Variants in YEATS2 observed in about 807,000 individuals in gnomAD.
YEATS2 encodes the protein YEATS domain-containing protein 2.
YEATS2 carries 77 observed loss-of-function variants against 163.2 expected under a neutral mutation model. The observed-to-expected ratio is 0.47, with a 90% CI of 0.39 to 0.57. YEATS2 has a LOEUF of 0.57. Ranked by LOEUF, YEATS2 falls within the 20% of genes least tolerant of loss-of-function variation. The pLI, the probability that YEATS2 is intolerant of heterozygous loss-of-function variation, is 0.00. For missense variants in YEATS2, 1,549 were observed against 1,729.8 expected (o/e 0.90, Z 1.85); for synonymous variants, 631 against 645.1 (o/e 0.98, Z 0.33).
At chr3:183,713,748 G>A (rs1485063588) in intron 1 of YEATS2, among the ~76,000 whole-genome samples, 1 of 152,018 alleles carries the variant, frequency 6.6e-6, no homozygotes, top group Non-Finnish European at 1.5e-5. Context: ...CTCGTGCAGT[G>A]ATGTGAATGT....
intron 25 of YEATS2, chr3:183,802,507 G>GTATA (rs1300540152): frequency 1.1e-4 from 7 of 62,478 alleles, no homozygotes; most frequent in South Asian, 5.7e-4. Flanking sequence ...GTGTGTGTGT[G>GTATA]TGTATACATG....
rs2108553778 is a variant in YEATS2, at chr3:183,811,852, G to A, written c.*1269G>A. The A allele has an allele frequency of 6.6e-6, 1 of 152,358 alleles. No homozygotes were observed. Among genetic ancestry groups the A allele is most frequent in the African/African-American group, 2.4e-5 (1 of 41,558 alleles). The allele number at this position is 152,358 out of a possible 1,614,324, so 9.4% of individuals were successfully genotyped here. On this transcript the variant is annotated 3_prime_UTR_variant, in exon 31 of 31. Transcript: ENST00000305135. ...GTCAGAGTCAGAGAAACTTACCCAA[G>A]CAACGTAATTCCTGTTTTCATGGGT...
chr3:183,792,447 C>A (rs778091338), intron 21 of YEATS2, among the ~76,000 whole-genome samples: 20 of 152,148 alleles, frequency 1.3e-4, no homozygotes, highest in Non-Finnish European at 2.6e-4. Flanking sequence ...TGGCTTCCAG[C>A]TTCATCCATG....
chr3:183,756,709 T>C lies in YEATS2; in HGVS notation c.1552+20T>C. On this transcript the variant is annotated intron_variant, in intron 12 of 30. Transcript: ENST00000305135. The stretch of plus-strand genomic sequence containing the variant: ...GTACAGGTGTGTATTAGATCCATAT[T>C]TGTACCATCTAAAGGGTTTGATCTT... 1 of 1,449,542 alleles carries C rather than the reference T, an allele frequency of 6.9e-7. No homozygotes were observed. The highest frequency in any genetic ancestry group is 9.1e-7 in the Non-Finnish European group (1 of 1,095,720). 89.8% of individuals were successfully genotyped at this position (1,449,542 alleles called of 1,614,324 possible). A position where few individuals can be genotyped will look rare whatever the true frequency, so the allele number is the denominator to read the frequency against.
intron 1 of YEATS2, among the ~76,000 whole-genome samples, chr3:183,701,309 G>T (rs530896670): frequency 6.6e-6 from 1 of 151,948 alleles, no homozygotes; most frequent in Non-Finnish European, 1.5e-5. Context: ...GGATGATCTC[G>T]ATCTCCTGAC....
At chr3:183,727,126 A>C (rs1717194490) in intron 6 of YEATS2, among the ~76,000 whole-genome samples, 1 of 152,126 alleles carries the variant, frequency 6.6e-6, no homozygotes, top group South Asian at 2.1e-4. Context: ...CCCTAACAGT[A>C]TATATTTAGT....
chr3:183,801,713 G>T, intron 25 of YEATS2, 185 bp downstream of exon 25: 2 of 504,214 alleles, frequency 4.0e-6, no homozygotes, highest in Non-Finnish European at 3.5e-6. Flanking sequence ...GTTTTTTATT[G>T]TTTTCACTGT....
At chr3:183,776,915 G>A (rs1723057931) in intron 18 of YEATS2, among the ~76,000 whole-genome samples, 2 of 150,930 alleles carry the variant, frequency 1.3e-5, no homozygotes, top group South Asian at 2.1e-4. Flanking sequence ...TCACTCCATG[G>A]TACTCCAGCC....
intron 16 of YEATS2, 30 bp downstream of exon 16, chr3:183,772,593 CA>C: frequency 3.1e-6 from 5 of 1,609,340 alleles, no homozygotes; most frequent in Non-Finnish European, 4.2e-6. Context: ...GGAGCCCTTT[CA>C]GCAGAAGCTC....
At chr3:183,772,779 C>CA (rs555324921) in intron 16 of YEATS2, among the ~76,000 whole-genome samples, 4,662 of 147,084 alleles carry the variant, frequency 0.032, 159 homozygotes, top group East Asian at 0.14. Flanking sequence ...ACACACACAC[C>CA]CACATACACA....
chr3:183,755,436 T>C (rs1288407340), intron 11 of YEATS2, among the ~76,000 whole-genome samples: 1 of 152,186 alleles, frequency 6.6e-6, no homozygotes, highest in Non-Finnish European at 1.5e-5. Context: ...CAATTTTACC[T>C]ACCAGGTAGA....
chr3:183,772,206 T>G, intron 15 of YEATS2, 99 bp from the exon 16 acceptor site: 2 of 1,515,216 alleles, frequency 1.3e-6, no homozygotes, highest in Non-Finnish European at 1.8e-6. Context: ...TTAGGCTGCA[T>G]GTATTATGTG....
At chr3:183,799,053 T>A (rs1178425818) in intron 23 of YEATS2, 64 bp downstream of exon 23, 10 of 1,220,874 alleles carry the variant, frequency 8.2e-6, no homozygotes, top group Non-Finnish European at 1.1e-5. Context: ...TCGTTCACGT[T>A]CTCTCCTGAT....
At chr3:183,710,303 A>G (rs963958368) in intron 1 of YEATS2, among the ~76,000 whole-genome samples, 3 of 152,212 alleles carry the variant, frequency 2.0e-5, no homozygotes, top group Non-Finnish European at 4.4e-5. Context: ...TAATGTTATC[A>G]TTGGTCATTT....
intron 19 of YEATS2, among the ~76,000 whole-genome samples, chr3:183,784,599 T>C (rs911552360): frequency 2.0e-5 from 3 of 152,224 alleles, no homozygotes. Flanking sequence ...AGCTTTTTAG[T>C]TTAATTAGGT....
intron 1 of YEATS2, among the ~76,000 whole-genome samples, chr3:183,700,460 A>C (rs76222311): frequency 1.3e-5 from 2 of 151,930 alleles, no homozygotes; most frequent in Non-Finnish European, 2.9e-5. Flanking sequence ...ATTGTTCCCT[A>C]TCTCCCTGCC....
rs1723133702 is a variant in YEATS2 at position 183,777,714 on chromosome 3, T to C, written c.2736+14T>C. ...TTGTTTACACAGGTAAATACGCCCA[T>C]GCACACACCCCAAATATGGGGTGAT... is the stretch of plus-strand genomic sequence containing the variant. On this transcript the variant is annotated intron_variant, in intron 19 of 30. Coordinates refer to ENST00000305135, the MANE Select transcript of YEATS2 (RefSeq NM_018023.5). The C allele has an allele frequency of 5.0e-6, 8 of 1,610,154 alleles. No individual in the cohort carries two copies. The highest frequency in any genetic ancestry group is 5.1e-6 in the Non-Finnish European group (6 of 1,178,024).
At chr3:183,728,504 A>G (rs1373106121) in intron 6 of YEATS2, among the ~76,000 whole-genome samples, 186 bp from the exon 7 acceptor site, 1 of 152,204 alleles carries the variant, frequency 6.6e-6, no homozygotes, top group Non-Finnish European at 1.5e-5. Context: ...AGCCCCAGCT[A>G]TGTTTTAGAA....
chr3:183,772,544 G>C lies in YEATS2; in HGVS notation c.2187G>C (p.Lys729Asn). The C allele has an allele frequency of 6.2e-7, 1 of 1,614,022 alleles. No individual in the cohort carries two copies. Among genetic ancestry groups the C allele is most frequent in the South Asian group, 1.1e-5 (1 of 91,066 alleles). ...KAQVTAAGPQ[K>N]SGSQGSVMAT... Reference sequence around the variant, plus strand: ...AGGTTACTGCCGCTGGTCCTCAGAAGAGTGGATCCCAGGGTTCAGGTAAAA... The same window carrying C: ...AGGTTACTGCCGCTGGTCCTCAGAACAGTGGATCCCAGGGTTCAGGTAAAA... Residue 729 changes from lysine (K) to asparagine (N), a missense_variant, in exon 16 of 31, where the codon AAG becomes AAC. By Grantham distance (94) the Lys-to-Asn change is moderately conservative. Coordinates refer to ENST00000305135, the MANE Select transcript of YEATS2 (RefSeq NM_018023.5).
Sources: gnomAD v4.1 joint callset for allele counts (sites outside exome capture counted in the v4.1 genomes callset) on GRCh38, gnomAD v4.1.1 for gene constraint, MANE v1.5 for transcripts, NCBI Gene and HGNC (gene_info 2026-07-23, HGNC 2026-07-21) for gene names.